RABGAP1L: variants seen among roughly 807,000 people sequenced by gnomAD.
The protein encoded by RABGAP1L is RAB GTPase activating protein 1 like.
Under a neutral mutation model 137.7 loss-of-function variants are expected in RABGAP1L, and 63 were observed. The observed-to-expected ratio is 0.46, with a 90% CI of 0.37 to 0.56. The LOEUF (loss-of-function observed/expected upper bound fraction) is 0.56, where lower values mean the gene tolerates loss of function less well. RABGAP1L is among the 20% of genes least tolerant of loss of function. The pLI, the probability that RABGAP1L is intolerant of heterozygous loss-of-function variation, is 0.00. For missense variants in RABGAP1L, 1,095 were observed against 1,244.0 expected, an observed-to-expected ratio of 0.88 and a Z score of 1.80; for synonymous variants, 431 against 433.7, an observed-to-expected ratio of 0.99 and a Z score of 0.08.
intron 11 of RABGAP1L, among the ~76,000 whole-genome samples, chr1:174,355,187 A>G (rs1683519078): frequency 6.6e-6 from 1 of 152,152 alleles, no homozygotes; most frequent in Non-Finnish European, 1.5e-5. Flanking sequence ...GGCACTATTC[A>G]CAATAGCAAA....
At chr1:174,684,154 T>C (rs1678291716) in intron 15 of RABGAP1L, among the ~76,000 whole-genome samples, 4 of 152,228 alleles carry the variant, frequency 2.6e-5, no homozygotes, top group Admixed American at 2.0e-4. Flanking sequence ...GTGTCTTTAT[T>C]TTTCTGATGA....
intron 13 of RABGAP1L, among the ~76,000 whole-genome samples, chr1:174,490,979 C>G (rs541983748): frequency 6.6e-6 from 1 of 152,166 alleles, no homozygotes; most frequent in East Asian, 1.9e-4. Flanking sequence ...GGGCTCCCCT[C>G]TGGCCCATGG....
chr1:174,869,951 G>A lies in RABGAP1L; in HGVS notation c.2340+57991G>A, dbSNP rs959477769. On this transcript the variant is annotated intron_variant, in intron 19 of 25. Transcript: ENST00000681986. ...GAAATGTGATAAATAAATTTCTGTT[G>A]TGTATAAGTTATCCAGTCTATGGTA... is the stretch of plus-strand genomic sequence containing the variant. Among the ~76,000 whole-genome samples, 4 of 152,108 alleles carry A rather than the reference G, an allele frequency of 2.6e-5. 1 individual carries two copies. Among genetic ancestry groups the A allele is most frequent in the Non-Finnish European group, 5.9e-5 (4 of 68,028 alleles).
At chr1:174,632,254 G>A (rs903834630) in intron 13 of RABGAP1L, among the ~76,000 whole-genome samples, 4 of 144,930 alleles carry the variant, frequency 2.8e-5, no homozygotes, top group East Asian at 2.0e-4. Context: ...GGTTTCTGCC[G>A]AGAGATCCGC....
At position 174,853,743 on chromosome 1, in the gene RABGAP1L, C is replaced by CA. The variant is rs200002030; in HGVS notation, c.2340+41791dup. The stretch of plus-strand genomic sequence containing the variant: ...GAGACTCCACTCCATCTCAAAAAAA[C>CA]AAAAAAAACAAAAAGGCTAGCTTTG... On this transcript the variant is annotated intron_variant, in intron 19 of 25. Coordinates refer to ENST00000681986, the MANE Select transcript of RABGAP1L (RefSeq NM_001366446.1). 3.9e-3 allele frequency among the ~76,000 whole-genome samples: 588 copies of CA among 151,362 alleles called. 6 individuals are homozygous for CA. The highest frequency in any genetic ancestry group is 0.012 in the African/African-American group (480 of 41,314).
At chr1:174,824,058 G>A (rs1048216627) in intron 19 of RABGAP1L, among the ~76,000 whole-genome samples, 3 of 152,156 alleles carry the variant, frequency 2.0e-5, no homozygotes, top group Non-Finnish European at 4.4e-5. Context: ...GGGAAGCCAA[G>A]GTGGGTGGAT....
intron 11 of RABGAP1L, among the ~76,000 whole-genome samples, chr1:174,349,908 G>C (rs1252517428): frequency 5.0e-5 from 7 of 138,636 alleles, no homozygotes; most frequent in African/African-American, 1.6e-4. Context: ...CAGGTGGGGG[G>C]CTGACCCCCC....
intron 18 of RABGAP1L, among the ~76,000 whole-genome samples, chr1:174,778,631 G>A (rs1686719669): frequency 6.6e-6 from 1 of 151,806 alleles, no homozygotes; most frequent in South Asian, 2.1e-4. Flanking sequence ...GTCTCACACT[G>A]TCACCGAGGC....
At chr1:174,215,136 C>T (rs537152678) in intron 1 of RABGAP1L, among the ~76,000 whole-genome samples, 2 of 152,142 alleles carry the variant, frequency 1.3e-5, no homozygotes, top group African/African-American at 4.8e-5. Context: ...GCAAACAACT[C>T]TATAGGAAAA....
chr1:174,848,511 C>T (rs1300858947), intron 19 of RABGAP1L, among the ~76,000 whole-genome samples: 1 of 149,442 alleles, frequency 6.7e-6, no homozygotes, highest in Non-Finnish European at 1.5e-5. Flanking sequence ...TTTGCCCCTG[C>T]TGGGGGGTGC....
intron 13 of RABGAP1L, among the ~76,000 whole-genome samples, chr1:174,475,244 G>A (rs980175319): frequency 1.3e-5 from 2 of 152,062 alleles, no homozygotes; most frequent in African/African-American, 4.8e-5. Flanking sequence ...TGCTGATGCT[G>A]TAGTCTACAG....
In RABGAP1L at chr1:174,542,862, A is replaced by G. The variant is rs1347241501; in HGVS notation, c.1711-94513A>G. Among the ~76,000 whole-genome samples the G allele has an allele frequency of 1.3e-5, 2 of 152,218 alleles. 1 individual carries two copies. Among genetic ancestry groups the G allele is most frequent in the Non-Finnish European group, 2.9e-5 (2 of 68,042 alleles). Reference sequence around the variant, plus strand: ...TCATTTCGTTATGTACCTGGTAGTCATTCAGGACAAGGTTGTTCAGTTTCC... The same window carrying G: ...TCATTTCGTTATGTACCTGGTAGTCGTTCAGGACAAGGTTGTTCAGTTTCC... On this transcript the variant is annotated intron_variant, in intron 13 of 25. Transcript: ENST00000681986.
chr1:174,183,308 G>A (rs1442680026), intron 1 of RABGAP1L, among the ~76,000 whole-genome samples: 1 of 152,162 alleles, frequency 6.6e-6, no homozygotes, highest in Non-Finnish European at 1.5e-5. Context: ...GAAGATCACG[G>A]CTCACTGGGG....
At chr1:174,524,995 C>T (rs1663753207) in intron 13 of RABGAP1L, among the ~76,000 whole-genome samples, 1 of 151,834 alleles carries the variant, frequency 6.6e-6, no homozygotes, top group Non-Finnish European at 1.5e-5. Flanking sequence ...TTGTTCCATT[C>T]GTCTTTTTGT....
chr1:174,347,497 G>GTTTT (rs1225592282), intron 11 of RABGAP1L, among the ~76,000 whole-genome samples: 6 of 105,214 alleles, frequency 5.7e-5, no homozygotes, highest in African/African-American at 2.3e-4. Flanking sequence ...GTGTGTGTGT[G>GTTTT]TGTTTTTTTC....
At chr1:174,661,583 A>T (rs1306877053) in intron 14 of RABGAP1L, among the ~76,000 whole-genome samples, 1 of 152,216 alleles carries the variant, frequency 6.6e-6, no homozygotes, top group Non-Finnish European at 1.5e-5. Context: ...TCATTATTAT[A>T]ATCAATAGCA....
intron 19 of RABGAP1L, among the ~76,000 whole-genome samples, chr1:174,912,408 G>T (rs1660195209): frequency 6.6e-6 from 1 of 152,148 alleles, no homozygotes; most frequent in Non-Finnish European, 1.5e-5. Context: ...CTCCTAAAGT[G>T]CTGGGATTGC....
intron 13 of RABGAP1L, among the ~76,000 whole-genome samples, chr1:174,566,049 C>G (rs1667562424): frequency 6.6e-6 from 1 of 152,012 alleles, no homozygotes; most frequent in Non-Finnish European, 1.5e-5. Flanking sequence ...CCACCACATC[C>G]AGCTAATTTT....
rs533272312 is a variant in RABGAP1L, at chr1:174,718,351, T to C, written c.2169+16095T>C. On this transcript the variant is annotated intron_variant, in intron 17 of 25. Coordinates refer to ENST00000681986, the MANE Select transcript of RABGAP1L (RefSeq NM_001366446.1). ...CAGACATTCTCCTCTGCCAGAATGC[T>C]CATCTGTTGGCATAACTTTGTTCCT... 1.8e-4 allele frequency among the ~76,000 whole-genome samples: 28 copies of C among 152,278 alleles called. 1 individual carries two copies. In the South Asian group the frequency reaches 5.6e-3, roughly 30 times the overall value.
Sources: gnomAD v4.1 joint callset for allele counts (sites outside exome capture counted in the v4.1 genomes callset) on GRCh38, gnomAD v4.1.1 for gene constraint, MANE v1.5 for transcripts, NCBI Gene and HGNC (gene_info 2026-07-23, HGNC 2026-07-21) for gene names.